The following ACSM2A variants were observed in gnomAD, a reference collection of about 807,000 sequenced individuals.
ACSM2A encodes the protein acyl-CoA synthetase medium chain family member 2A.
In ACSM2A, 72 loss-of-function variants were observed where a neutral mutation model predicts 76.6. That is an observed-to-expected ratio of 0.94 (90% confidence interval 0.78 to 1.14). The LOEUF is 1.14. Ranked by LOEUF, ACSM2A falls within the 50% of genes most tolerant of loss-of-function variation. ACSM2A has a pLI of 0.00. For missense variants in ACSM2A, 684 were observed against 708.5 expected, an observed-to-expected ratio of 0.97 and a Z score of 0.39; for synonymous variants, 249 against 255.9, an observed-to-expected ratio of 0.97 and a Z score of 0.26.
chr16:20,477,440 T>A lies in ACSM2A; in HGVS notation c.1170T>A (p.Tyr390Ter). ...PGYMGTAASC[Y>*]DVQIIDDKGN... ...ACATGGGAACGGCTGCTTCCTGTTA[T>A]GATGTACAGGTTTGCTCGGGACACT... The change falls in exon 9 of 14, where the codon TAT (tyrosine) becomes TAA (stop). Residue 390 changes from tyrosine (Y) to a stop codon, truncating the protein, a stop_gained. Transcript: ENST00000573854. LOFTEE classifies it high-confidence loss of function. 1.9e-6 allele frequency: 3 copies of A among 1,607,202 alleles called. No individual in the cohort carries two copies. Among genetic ancestry groups the A allele is most frequent in the Non-Finnish European group, 2.5e-6 (3 of 1,176,536 alleles).
intron 9 of ACSM2A, among the ~76,000 whole-genome samples, chr16:20,478,050 A>C (rs2013851863): frequency 6.6e-6 from 1 of 152,200 alleles, no homozygotes. Flanking sequence ...CTTAGACTCT[A>C]TTCAGTGTCA....
intron 3 of ACSM2A, among the ~76,000 whole-genome samples, chr16:20,466,548 C>T (rs1362696622): frequency 6.6e-6 from 1 of 152,172 alleles, no homozygotes; most frequent in Non-Finnish European, 1.5e-5. Context: ...ATCCACCTCC[C>T]CAGGAAATCA....
intron 1 of ACSM2A, among the ~76,000 whole-genome samples, chr16:20,457,362 G>A (rs1360239988): frequency 3.9e-5 from 6 of 151,928 alleles, no homozygotes; most frequent in Non-Finnish European, 7.4e-5. Context: ...ATGTAACAAA[G>A]AAAGAAAACT....
At chr16:20,485,693 A>C (rs1290201367) in intron 13 of ACSM2A, among the ~76,000 whole-genome samples, 2 of 152,236 alleles carry the variant, frequency 1.3e-5, no homozygotes, top group African/African-American at 4.8e-5. Flanking sequence ...GTTTTGAACA[A>C]ACTCTTCTCA....
chr16:20,473,742 T>C (rs2013557066), intron 6 of ACSM2A, among the ~76,000 whole-genome samples: 1 of 152,086 alleles, frequency 6.6e-6, no homozygotes, highest in African/African-American at 2.4e-5. Flanking sequence ...TGAGAGACTG[T>C]TTCAGGCCAT....
At chr16:20,457,322 G>A (rs1023204907) in intron 1 of ACSM2A, among the ~76,000 whole-genome samples, 2 of 152,008 alleles carry the variant, frequency 1.3e-5, no homozygotes, top group African/African-American at 4.8e-5. Context: ...TATGAAGCCA[G>A]TATTACCCTC....
chr16:20,470,015 TC>T lies in ACSM2A; in HGVS notation c.596+300del, dbSNP rs530915129. Among the ~76,000 whole-genome samples the T allele has an allele frequency of 6.4e-4, 97 of 151,908 alleles. 1 individual carries two copies. The highest frequency in any genetic ancestry group is 2.2e-3 in the African/African-American group (91 of 41,314). Reference sequence around the variant, plus strand: ...AAAGCACTGATCCATTAGCATCTGGTCCCCACAGGTTCAGGGTTGTCCTGGG... The same window carrying T: ...AAAGCACTGATCCATTAGCATCTGGTCCCACAGGTTCAGGGTTGTCCTGGG... On this transcript the variant is annotated intron_variant, in intron 4 of 13. Coordinates refer to ENST00000573854, the MANE Select transcript of ACSM2A (RefSeq NM_001308172.2).
At chr16:20,481,414 T>A (rs908915917) in intron 12 of ACSM2A, 2 of 156,762 alleles carry the variant, frequency 1.3e-5, no homozygotes, top group African/African-American at 4.8e-5. Flanking sequence ...TCATGTCATC[T>A]GCAGCAACAT....
At chr16:20,469,080 A>T (rs370888433) in intron 3 of ACSM2A, among the ~76,000 whole-genome samples, 12 of 151,982 alleles carry the variant, frequency 7.9e-5, no homozygotes, top group South Asian at 4.1e-4. Context: ...TGTCCCAGGG[A>T]TGAAATAAAT....
chr16:20,468,418 G>T (rs553902117), intron 3 of ACSM2A, among the ~76,000 whole-genome samples: 1 of 152,296 alleles, frequency 6.6e-6, no homozygotes, highest in East Asian at 1.9e-4. Flanking sequence ...GTCCAGGCTG[G>T]AGTTCAGTGG....
intron 10 of ACSM2A, among the ~76,000 whole-genome samples, chr16:20,479,308 A>C (rs2013951562): frequency 6.6e-6 from 1 of 152,182 alleles, no homozygotes; most frequent in Non-Finnish European, 1.5e-5. Flanking sequence ...TCAAATAATA[A>C]TAGTTTCTAC....
At position 20,468,899 on chromosome 16, in the gene ACSM2A, AT is replaced by A. The variant is rs556945847; in HGVS notation, c.389-612del. Reference sequence around the variant, plus strand: ...TTTCTAATGTTCTCATCACAAAAAAATGTTAAATACTTGAGGTGATGGATAT... The same window carrying A: ...TTTCTAATGTTCTCATCACAAAAAAAGTTAAATACTTGAGGTGATGGATAT... On this transcript the variant is annotated intron_variant, in intron 3 of 13. Coordinates refer to ENST00000573854, the MANE Select transcript of ACSM2A (RefSeq NM_001308172.2). Among the ~76,000 whole-genome samples, 395 of 152,304 alleles carry A rather than the reference AT, an allele frequency of 2.6e-3. 3 individuals carry two copies. Among genetic ancestry groups the A allele is most frequent in the Admixed American group, 0.011 (167 of 15,298 alleles).
chr16:20,469,502 G>A lies in ACSM2A; in HGVS notation c.389-10G>A, dbSNP rs771845345. The A allele has an allele frequency of 8.4e-5, 136 of 1,610,198 alleles. No individual in the cohort carries two copies. The highest frequency in any genetic ancestry group is 1.1e-4 in the Non-Finnish European group (135 of 1,177,238). On this transcript the variant is annotated splice_polypyrimidine_tract_variant and intron_variant, in intron 3 of 13. Transcript: ENST00000573854. ...TCCTTTCCAATTCTCTAAATTGTTG[G>A]CTTCTTTAGGTCTCATCTTTATGCC...
At chr16:20,478,418 G>C (rs2013879413) in intron 9 of ACSM2A, among the ~76,000 whole-genome samples, 158 bp from the exon 10 acceptor site, 1 of 152,194 alleles carries the variant, frequency 6.6e-6, no homozygotes, top group South Asian at 2.1e-4. Context: ...TCAGAGATCT[G>C]AGTTTAAGAC....
intron 6 of ACSM2A, among the ~76,000 whole-genome samples, chr16:20,473,615 TG>T (rs2013546014): frequency 6.6e-6 from 1 of 152,166 alleles, no homozygotes; most frequent in African/African-American, 2.4e-5. Flanking sequence ...TTTGAATATT[TG>T]TGCCCCCCAA....
intron 13 of ACSM2A, among the ~76,000 whole-genome samples, chr16:20,485,172 G>A (rs1186659639): frequency 6.6e-6 from 1 of 152,136 alleles, no homozygotes; most frequent in African/African-American, 2.4e-5. Flanking sequence ...TATTTACAAA[G>A]GAGTTTAGAA....
In ACSM2A at chr16:20,467,172, C is replaced by G. The variant is rs533399316; in HGVS notation, c.388+1445C>G. Among the ~76,000 whole-genome samples the G allele has an allele frequency of 1.6e-4, 24 of 152,192 alleles. 1 individual carries two copies. The South Asian group carries it at 4.4e-3, about 28-fold the overall frequency. Reference sequence around the variant, plus strand: ...GGAAACTTGAAAATTATAAAAGAACCTAAAAGGATATCTATGTGCCTGAAG... The same window carrying G: ...GGAAACTTGAAAATTATAAAAGAACGTAAAAGGATATCTATGTGCCTGAAG... On this transcript the variant is annotated intron_variant, in intron 3 of 13. Transcript: ENST00000573854.
rs780440811 is a variant in ACSM2A at position 20,486,714 on chromosome 16, C to G, written c.*36C>G. ...AGACATTCATTTGGATTCCCCTCTT[C>G]TTTCTCTTTCTTTTCCCTTTGGGCC... is the stretch of plus-strand genomic sequence containing the variant. On this transcript the variant is annotated 3_prime_UTR_variant, in exon 14 of 14. Coordinates refer to ENST00000573854, the MANE Select transcript of ACSM2A (RefSeq NM_001308172.2). The G allele has an allele frequency of 1.2e-6, 2 of 1,609,460 alleles. No homozygotes were observed. Among genetic ancestry groups the G allele is most frequent in the Non-Finnish European group, 1.7e-6 (2 of 1,176,048 alleles).
intron 1 of ACSM2A, among the ~76,000 whole-genome samples, chr16:20,455,218 G>A (rs1405996229): frequency 6.6e-6 from 1 of 151,454 alleles, no homozygotes; most frequent in African/African-American, 2.4e-5. Flanking sequence ...TTTGGGAAAT[G>A]TATTCAAGGA....
Sources: gnomAD v4.1 joint callset for allele counts (sites outside exome capture counted in the v4.1 genomes callset) on GRCh38, gnomAD v4.1.1 for gene constraint, MANE v1.5 for transcripts, NCBI Gene and HGNC (gene_info 2026-07-23, HGNC 2026-07-21) for gene names.